The following CAP1 variants were observed in gnomAD, a reference collection of about 807,000 sequenced individuals.
CAP1 encodes cyclase associated actin cytoskeleton regulatory protein 1.
Under a neutral mutation model 58.2 loss-of-function variants are expected in CAP1, and 11 were observed. That is an observed-to-expected ratio of 0.19 (90% CI 0.12 to 0.31). The LOEUF is 0.31. Ranked by LOEUF, CAP1 falls within the 10% of genes least tolerant of loss-of-function variation. CAP1 has a pLI of 1.00. For synonymous variants in CAP1, 183 were observed against 213.8 expected, an observed-to-expected ratio of 0.86 and a Z score of 1.26; for missense variants, 423 against 587.5, an observed-to-expected ratio of 0.72 and a Z score of 2.89.
rs375964191 is a variant in CAP1 at position 40,066,181 on chromosome 1, T to C, written c.525-34T>C. The C allele has an allele frequency of 3.3e-5, 38 of 1,157,386 alleles. No individual in the cohort carries two copies. In the African/African-American group the frequency reaches 4.7e-4, roughly 14 times the overall value. The allele number at this position is 1,157,386 out of a possible 1,614,324, so 71.7% of individuals were successfully genotyped here. On this transcript the variant is annotated intron_variant, in intron 6 of 12. Coordinates refer to ENST00000372805, the MANE Select transcript of CAP1 (RefSeq NM_006367.4). ...GAGTCACCACTGTTATGTACCCGGATCACCTGTGACAAGTTCTTCTTTAAT... is the reference window on the plus strand; with the variant it reads ...GAGTCACCACTGTTATGTACCCGGACCACCTGTGACAAGTTCTTCTTTAAT...
chr1:40,053,164 C>T (rs1284922010), intron 1 of CAP1, among the ~76,000 whole-genome samples: 1 of 152,120 alleles, frequency 6.6e-6, no homozygotes, highest in Admixed American at 6.6e-5. Flanking sequence ...GTGGAGGTTG[C>T]AGTGATCTGA....
At chr1:40,044,558 T>C (rs1042662784) in intron 1 of CAP1, among the ~76,000 whole-genome samples, 2 of 152,194 alleles carry the variant, frequency 1.3e-5, no homozygotes, top group East Asian at 3.8e-4. Context: ...TAGTCTTCAC[T>C]GACTTCATAT....
At chr1:40,052,828 C>T (rs180767945) in intron 1 of CAP1, among the ~76,000 whole-genome samples, 3,653 of 152,186 alleles carry the variant, frequency 0.024, 62 homozygotes, top group Non-Finnish European at 0.037. Context: ...CGGTGGCTCA[C>T]GCCTGTAATC....
chr1:40,058,910 T>C (rs1230354210), intron 1 of CAP1, among the ~76,000 whole-genome samples: 1 of 152,176 alleles, frequency 6.6e-6, no homozygotes, highest in East Asian at 1.9e-4. Context: ...GTCATTTAGC[T>C]TCACTGAAAC....
chr1:40,044,070 T>C (rs1369322108), intron 1 of CAP1, among the ~76,000 whole-genome samples: 1 of 152,080 alleles, frequency 6.6e-6, no homozygotes, highest in Non-Finnish European at 1.5e-5. Flanking sequence ...TGCTTTGGAG[T>C]TTAGCTATTG....
At chr1:40,044,389 T>C (rs1308930002) in intron 1 of CAP1, among the ~76,000 whole-genome samples, 2 of 152,218 alleles carry the variant, frequency 1.3e-5, no homozygotes, top group Non-Finnish European at 2.9e-5. Flanking sequence ...TCTCGAGCGG[T>C]ATCTTACCCA....
At position 40,060,076 on chromosome 1, in the gene CAP1, C is replaced by T; in HGVS notation, c.122C>T (p.Ala41Val). ...YADSPSKAGA[A>V]PYVQAFDSLL... ...GTGTGTTTGTCTTTAGCAGGAGCAG[C>T]TCCATATGTGCAGGCATTTGACTCG... is the stretch of plus-strand genomic sequence containing the variant. Residue 41 changes from alanine to valine, a missense_variant, in exon 3 of 13, where the codon GCT becomes GTT. Coordinates refer to ENST00000372805, the MANE Select transcript of CAP1 (RefSeq NM_006367.4). 1 of 1,612,974 alleles carries T rather than the reference C, an allele frequency of 6.2e-7. No homozygotes were observed. The highest frequency in any genetic ancestry group is 8.5e-7 in the Non-Finnish European group (1 of 1,179,482).
intron 1 of CAP1, among the ~76,000 whole-genome samples, chr1:40,057,911 A>G (rs1646684863): frequency 6.6e-6 from 1 of 152,296 alleles, no homozygotes; most frequent in Middle Eastern, 3.4e-3. Context: ...GTAGAGGTGC[A>G]TTGATCATAT....
chr1:40,067,268 AT>A, intron 7 of CAP1: 3 of 401,538 alleles, frequency 7.5e-6, no homozygotes, highest in Non-Finnish European at 8.9e-6. Flanking sequence ...ACTAAGGAAG[AT>A]GTCAAGTAGA....
rs546606203 is a variant in CAP1 at position 40,053,051 on chromosome 1, C to T, written c.-10-6286C>T. ...CATCCTGGCTAACATGGTGAAACCC[C>T]GTCTCTACTAAAAATACAAAAAATT... On this transcript the variant is annotated intron_variant, in intron 1 of 12. Coordinates refer to ENST00000372805, the MANE Select transcript of CAP1 (RefSeq NM_006367.4). 4.8e-3 allele frequency among the ~76,000 whole-genome samples: 730 copies of T among 152,156 alleles called. 6 individuals are homozygous for T. The highest frequency in any genetic ancestry group is 0.017 in the Middle Eastern group (5 of 294).
At chr1:40,040,251 C>A (rs1054833757), upstream of CAP1, 1 of 149,908 alleles carries the variant, frequency 6.7e-6, no homozygotes, top group Non-Finnish European at 1.5e-5. Flanking sequence ...TGGCCTCGAT[C>A]ACCACCGAGA....
rs1173572447 is a variant in CAP1 at position 40,072,248 on chromosome 1, A to C, written c.*715A>C. The C allele has an allele frequency of 3.5e-6, 1 of 289,274 alleles. No homozygotes were observed. Among genetic ancestry groups the C allele is most frequent in the African/African-American group, 4.6e-5 (1 of 21,554 alleles). 17.9% of individuals were successfully genotyped at this position (289,274 alleles called of 1,614,324 possible). On this transcript the variant is annotated 3_prime_UTR_variant, in exon 13 of 13. Transcript: ENST00000372805. ...GCACCTTCCTATAGAGATGACTTTA[A>C]AAGGAAAAAAAAAAAAAAAAAAACC...
Position 40,059,447 on chromosome 1 carries a change from G to C in CAP1, c.101G>C (p.Ser34Thr). ...TSDMHRGYAD[S>T]PSKAGAAPYV... ...GACATGCACCGTGGGTATGCAGACA[G>C]TCCTTCAAAAGGTAAGCAGTCCACA... Residue 34 changes from serine (S) to threonine (T), a missense_variant, in exon 2 of 13, where the codon AGT becomes ACT. By Grantham distance (58) the Ser-to-Thr change is moderately conservative. Transcript: ENST00000372805. 3 of 1,604,440 alleles carry C rather than the reference G, an allele frequency of 1.9e-6. No homozygotes were observed. The highest frequency in any genetic ancestry group is 2.6e-6 in the Non-Finnish European group (3 of 1,171,208).
chr1:40,071,371 A>G, intron 12 of CAP1, 79 bp from the exon 13 acceptor site: 1 of 999,774 alleles, frequency 1.0e-6, no homozygotes, highest in South Asian at 1.4e-5. Flanking sequence ...GGAAGCAAGC[A>G]TTGGGAGAAA....
chr1:40,064,612 T>C (rs1424252323), intron 6 of CAP1, 53 bp downstream of exon 6: 7 of 1,387,434 alleles, frequency 5.0e-6, no homozygotes, highest in African/African-American at 2.8e-5. Context: ...TGTCTTGCGT[T>C]GTCACCCAGG....
chr1:40,063,363 G>T (rs1424346912), intron 4 of CAP1, among the ~76,000 whole-genome samples: 1 of 152,100 alleles, frequency 6.6e-6, no homozygotes, highest in Non-Finnish European at 1.5e-5. Context: ...TTTTTATAGA[G>T]ATGGGGTTTC....
intron 3 of CAP1, 24 bp from the exon 4 acceptor site, chr1:40,061,711 A>G (rs752446405): frequency 1.2e-6 from 2 of 1,602,526 alleles, no homozygotes; most frequent in South Asian, 1.1e-5. Context: ...TGTGTCATCA[A>G]TAGCTGATTC....
At chr1:40,063,978 G>T (rs192044500) in intron 4 of CAP1, among the ~76,000 whole-genome samples, 84 of 152,328 alleles carry the variant, frequency 5.5e-4, no homozygotes, top group African/African-American at 2.0e-3. Context: ...TGAAATGGAG[G>T]TTCTGTGGTA....
In CAP1 at chr1:40,069,831, A is replaced by T. The variant is rs1647496832; in HGVS notation, c.950A>T (p.Lys317Met). 1 of 1,602,990 alleles carries T rather than the reference A, an allele frequency of 6.2e-7. No homozygotes were observed. Among genetic ancestry groups the T allele is most frequent in the Non-Finnish European group, 8.5e-7 (1 of 1,175,684 alleles). Residue 317 changes from lysine (K) to methionine (M), a missense_variant, in exon 9 of 13, where the codon AAG becomes ATG. Transcript: ENST00000372805. ...CCATCCCCCAAACGAGCCACAAAGA[A>T]GGAGCCAGCTGTACTTGAACTGGAG... ...TSPSPKRATKKEPAVLELEGK... is the reference protein window; with the variant it reads ...TSPSPKRATKMEPAVLELEGK...
Sources: gnomAD v4.1 joint callset for allele counts (sites outside exome capture counted in the v4.1 genomes callset) on GRCh38, gnomAD v4.1.1 for gene constraint, MANE v1.5 for transcripts, NCBI Gene and HGNC (gene_info 2026-07-23, HGNC 2026-07-21) for gene names.